The following PTPRN2 variants were observed in gnomAD, a reference collection of about 807,000 sequenced individuals.
PTPRN2 encodes the protein receptor-type tyrosine-protein phosphatase N2.
In PTPRN2, 74 loss-of-function variants were observed where a neutral mutation model predicts 118.8. That is an observed-to-expected ratio of 0.62 (90% CI 0.52 to 0.76). PTPRN2 has a LOEUF of 0.76. Among genes scored for constraint, PTPRN2 ranks in the 30% least tolerant of loss-of-function variants. The pLI is 0.00. For missense variants in PTPRN2, 1,481 were observed against 1,394.4 expected, an observed-to-expected ratio of 1.06 and a Z score of -0.99; for synonymous variants, 641 against 608.0, an observed-to-expected ratio of 1.05 and a Z score of -0.80.
At position 157,690,454 on chromosome 7, in the gene PTPRN2, C is replaced by T. The variant is rs1192583744; in HGVS notation, c.1789-7517G>A. 6.6e-6 allele frequency among the ~76,000 whole-genome samples: 1 copy of T among 152,148 alleles called. No homozygotes were observed. Among genetic ancestry groups the T allele is most frequent in the Non-Finnish European group, 1.5e-5 (1 of 68,008 alleles). On this transcript the variant is annotated intron_variant, in intron 12 of 22. Transcript: ENST00000389418. The surrounding 1 kb of genome is among the most constrained non-coding windows in gnomAD (Gnocchi z 7.1). Reference sequence around the variant, plus strand: ...CCTGGTGATGCTCTCGTGGGCCCTTCCTGCTCCCTCCGCCCCCATCCCAGC... The same window carrying T: ...CCTGGTGATGCTCTCGTGGGCCCTTTCTGCTCCCTCCGCCCCCATCCCAGC...
intron 12 of PTPRN2, among the ~76,000 whole-genome samples, chr7:157,704,799 C>T (rs1205376745): frequency 6.6e-6 from 1 of 152,258 alleles, no homozygotes; most frequent in African/African-American, 2.4e-5. Flanking sequence ...AGACTTTTAA[C>T]TTAGAATTGA....
At chr7:158,579,148 C>G (rs191433460) in intron 1 of PTPRN2, among the ~76,000 whole-genome samples, 80 of 152,332 alleles carry the variant, frequency 5.3e-4, no homozygotes, top group Middle Eastern at 6.8e-3. Context: ...CCATCAGTTA[C>G]TCTCATCATC....
At chr7:157,663,350 A>T (rs1795989737) in intron 13 of PTPRN2, among the ~76,000 whole-genome samples, 1 of 152,172 alleles carries the variant, frequency 6.6e-6, no homozygotes, top group Admixed American at 6.5e-5. Context: ...CCCTGGGAAG[A>T]CGTGGCTGCA....
At chr7:157,852,701 T>C (rs1486350205) in intron 12 of PTPRN2, among the ~76,000 whole-genome samples, 1 of 151,866 alleles carries the variant, frequency 6.6e-6, no homozygotes, top group Non-Finnish European at 1.5e-5. Flanking sequence ...AAACCCCGTC[T>C]CTACTAAAAA....
intron 11 of PTPRN2, among the ~76,000 whole-genome samples, chr7:157,998,395 G>A (rs943653500): frequency 7.2e-5 from 11 of 152,190 alleles, no homozygotes; most frequent in African/African-American, 2.7e-4. Flanking sequence ...CCATCCATCC[G>A]CTGAGGACAG....
chr7:158,078,208 G>A (rs891784426), intron 11 of PTPRN2, among the ~76,000 whole-genome samples: 10 of 152,148 alleles, frequency 6.6e-5, no homozygotes, highest in Non-Finnish European at 1.3e-4. Flanking sequence ...TATAAAATTA[G>A]CAAAATGAAT....
intron 12 of PTPRN2, among the ~76,000 whole-genome samples, chr7:157,896,326 C>T (rs868327929): frequency 6.6e-6 from 1 of 152,272 alleles, no homozygotes; most frequent in African/African-American, 2.4e-5. Flanking sequence ...CAGCAGAGGA[C>T]AGGAGGAGCT....
intron 21 of PTPRN2, among the ~76,000 whole-genome samples, chr7:157,559,757 CAT>C (rs900213466): frequency 3.3e-5 from 5 of 152,190 alleles, no homozygotes; most frequent in African/African-American, 1.2e-4. Flanking sequence ...TGAACAGAAA[CAT>C]GTGGACTCAG....
intron 11 of PTPRN2, among the ~76,000 whole-genome samples, chr7:157,984,435 ACGCCAGGCTCCACC>A (rs1420078405): frequency 1.3e-3 from 6 of 4,502 alleles, no homozygotes; most frequent in South Asian, 9.1e-3. Context: ...GCCAGGCTCC[ACGCCAGGCTCCACC>A]CCCCCCACGC....
chr7:157,701,587 T>C (rs1796237), intron 12 of PTPRN2, among the ~76,000 whole-genome samples: 133,361 of 152,212 alleles, frequency 0.88, 58,640 homozygotes, highest in Non-Finnish European at 0.91. Context: ...CGTCTCCTCC[T>C]GTCACTCAGC....
intron 2 of PTPRN2, among the ~76,000 whole-genome samples, chr7:158,319,933 A>ACACACACACACAGCCTCCCT: frequency 1.1e-4 from 3 of 27,658 alleles, no homozygotes; most frequent in African/African-American, 4.7e-4. Flanking sequence ...AGCCTCCCTC[A>ACACACACACACAGCCTCCCT]CACACACACA....
At chr7:158,522,757 C>G (rs1225354932) in intron 1 of PTPRN2, among the ~76,000 whole-genome samples, 1 of 152,222 alleles carries the variant, frequency 6.6e-6, no homozygotes, top group Non-Finnish European at 1.5e-5. Flanking sequence ...CAGGGCTCAG[C>G]GTCTCCCCTG....
At chr7:158,262,607 C>T (rs1014562053) in intron 3 of PTPRN2, among the ~76,000 whole-genome samples, 1 of 145,296 alleles carries the variant, frequency 6.9e-6, no homozygotes, top group African/African-American at 2.7e-5. Context: ...CATTCACACA[C>T]ACTGCACACA....
rs145989641 is a variant in PTPRN2 at position 158,275,870 on chromosome 7, T to C, written c.277+40949A>G. Among the ~76,000 whole-genome samples the C allele has an allele frequency of 2.5e-3, 375 of 152,208 alleles. 1 individual carries two copies. The highest frequency in any genetic ancestry group is 4.3e-3 in the Non-Finnish European group (293 of 67,988). ...CCATCAGCCCCTCAGGGACAACAGG[T>C]GGCCAAGGGGGTGACCTTCCCAAGG... On this transcript the variant is annotated intron_variant, in intron 3 of 22. Transcript: ENST00000389418.
rs1372821437 is a variant in PTPRN2, at chr7:158,319,736, GTCTCCCTCACACACACAGCCTCCCTCACA to G, written c.164-2833_164-2805del. On this transcript the variant is annotated intron_variant, in intron 2 of 22. Coordinates refer to ENST00000389418, the MANE Select transcript of PTPRN2 (RefSeq NM_002847.5). ...ACAGCCTCCCTCACACACACTCACA[GTCTCCCTCACACACACAGCCTCCCTCACA>G]CACACAGCCTCCCTTGTACACAGCC... Among the ~76,000 whole-genome samples the G allele has an allele frequency of 4.8e-4, 3 of 6,292 alleles. 1 individual carries two copies. The highest frequency in any genetic ancestry group is 1.7e-3 in the African/African-American group (2 of 1,198). 4.1% of individuals were successfully genotyped at this position (6,292 alleles called of 152,430 possible).
chr7:158,460,968 A>G (rs1818941278), intron 2 of PTPRN2, among the ~76,000 whole-genome samples: 1 of 152,232 alleles, frequency 6.6e-6, no homozygotes, highest in African/African-American at 2.4e-5. Flanking sequence ...AAAGTTGGTT[A>G]GGAAAAATCT....
chr7:158,081,305 C>A lies in PTPRN2; in HGVS notation c.1716G>T (p.Lys572Asn). The A allele has an allele frequency of 5.6e-6, 9 of 1,613,984 alleles. No homozygotes were observed. The Middle Eastern group carries it at 5.0e-4, about 89-fold the overall frequency. ...VQNVTTEDVE[K>N]ATVDNKDKLE... ...GTGTGGAAACAGCCTCACCTGTGGC[C>A]TTCTCCACATCCTCAGTGGTCACGT... is the stretch of plus-strand genomic sequence containing the variant. Residue 572 changes from lysine to asparagine, a missense_variant, in exon 11 of 23, where the codon AAG becomes AAT. Coordinates refer to ENST00000389418, the MANE Select transcript of PTPRN2 (RefSeq NM_002847.5).
chr7:158,060,541 T>C (rs775969328), intron 11 of PTPRN2, among the ~76,000 whole-genome samples: 2 of 152,234 alleles, frequency 1.3e-5, no homozygotes, highest in Non-Finnish European at 2.9e-5. Flanking sequence ...CATGTTGGAT[T>C]GGGACCCACC....
intron 12 of PTPRN2, among the ~76,000 whole-genome samples, chr7:157,817,344 C>G (rs1368073360): frequency 6.6e-6 from 1 of 152,144 alleles, no homozygotes; most frequent in African/African-American, 2.4e-5. Context: ...CACAGGAAAC[C>G]ATGACAAACC....
Sources: gnomAD v4.1 joint callset for allele counts (sites outside exome capture counted in the v4.1 genomes callset) on GRCh38, gnomAD v4.1.1 for gene constraint, Gnocchi (gnomAD v3.1) non-coding constraint, MANE v1.5 for transcripts, NCBI Gene and HGNC (gene_info 2026-07-23, HGNC 2026-07-21) for gene names.